Variants in EYS observed in about 807,000 individuals in gnomAD.
EYS encodes the protein EGF-like photoreceptor maintenance factor.
In EYS, 250 loss-of-function variants were observed where a neutral mutation model predicts 282.1. The ratio of observed to expected loss-of-function variants is 0.89; its 90% CI spans 0.80 to 0.98. The LOEUF is 0.98. Ranked by LOEUF, EYS falls within the 50% of genes least tolerant of loss-of-function variation. The pLI is 0.00. For missense variants in EYS, 4,016 were observed against 3,709.0 expected, an observed-to-expected ratio of 1.08 and a Z score of -2.15; for synonymous variants, 1,355 against 1,282.9, an observed-to-expected ratio of 1.06 and a Z score of -1.20.
At chr6:63,828,893 A>C (rs1186493382) in intron 36 of EYS, among the ~76,000 whole-genome samples, 2 of 152,234 alleles carry the variant, frequency 1.3e-5, no homozygotes, top group African/African-American at 4.8e-5. Context: ...AAACTAATAC[A>C]GAATGTAAAC....
chr6:64,235,260 C>A (rs1766560451), intron 30 of EYS, among the ~76,000 whole-genome samples: 3 of 140,542 alleles, frequency 2.1e-5, no homozygotes, highest in African/African-American at 8.0e-5. Flanking sequence ...CCACAACAGT[C>A]CCCAGAGTGT....
chr6:64,199,334 A>G (rs1274981855), intron 31 of EYS, among the ~76,000 whole-genome samples: 2 of 152,228 alleles, frequency 1.3e-5, no homozygotes, highest in African/African-American at 2.4e-5. Flanking sequence ...CAATGGGGAG[A>G]GGATTCCCTA....
chr6:63,806,213 A>G lies in EYS; in HGVS notation c.7388T>C (p.Phe2463Ser). ...NHSALQNNLI[F>S]FTGQKGHGLN... ...ACCATGGCCTTTCTGTCCAGTAAAA[A>G]ATATCAAGTTATTTTGCAGTGCTGA... Residue 2463 changes from phenylalanine to serine, a missense_variant, in exon 37 of 43, where the codon TTT (phenylalanine) becomes TCT (serine). Coordinates refer to ENST00000503581, the MANE Select transcript of EYS (RefSeq NM_001142800.2). 1 of 1,551,514 alleles carries G rather than the reference A, an allele frequency of 6.4e-7. No individual in the cohort carries two copies.
rs367736602 is a variant in EYS at position 64,443,167 on chromosome 6, T to C, written c.5645-3815A>G. Among the ~76,000 whole-genome samples, 483 of 152,316 alleles carry C rather than the reference T, an allele frequency of 3.2e-3. 3 individuals carry two copies. The highest frequency in any genetic ancestry group is 4.0e-3 in the Non-Finnish European group (269 of 68,024). On this transcript the variant is annotated intron_variant, in intron 26 of 42. Transcript: ENST00000503581. ...ATCAGTGTGACTTGGATGTAAGACA[T>C]GGAGTCAAAGGAGATCATTTTGGAG...
intron 35 of EYS, among the ~76,000 whole-genome samples, chr6:63,969,457 G>A (rs1466183742): frequency 1.3e-5 from 2 of 152,166 alleles, no homozygotes; most frequent in Non-Finnish European, 2.9e-5. Flanking sequence ...ATAGCCTAAT[G>A]GATTTCTGTA....
chr6:65,331,719 T>C (rs1394138508), intron 11 of EYS: 2 of 981,508 alleles, frequency 2.0e-6, no homozygotes, highest in Non-Finnish European at 2.4e-6. Flanking sequence ...TGAAAATCAT[T>C]GTTTCATTAA....
intron 26 of EYS, among the ~76,000 whole-genome samples, chr6:64,454,668 C>A (rs761836661): frequency 6.6e-6 from 1 of 152,058 alleles, no homozygotes; most frequent in Admixed American, 6.6e-5. Flanking sequence ...TGTGGGGACA[C>A]TTTTCATATG....
At chr6:64,909,853 A>C (rs532049970) in intron 16 of EYS, among the ~76,000 whole-genome samples, 1 of 152,270 alleles carries the variant, frequency 6.6e-6, no homozygotes, top group African/African-American at 2.4e-5. Flanking sequence ...AGTCTGACGT[A>C]AACCCAAAAG....
chr6:64,927,285 T>C (rs1349608981), intron 15 of EYS, among the ~76,000 whole-genome samples: 1 of 152,132 alleles, frequency 6.6e-6, no homozygotes, highest in Non-Finnish European at 1.5e-5. Context: ...AAGCTGATAG[T>C]TACTCGGGGC....
At chr6:65,282,847 A>T (rs1768262029) in intron 12 of EYS, among the ~76,000 whole-genome samples, 1 of 151,920 alleles carries the variant, frequency 6.6e-6, no homozygotes, top group Non-Finnish European at 1.5e-5. Context: ...TATACTGTTG[A>T]TTATTGGTCT....
chr6:64,835,932 C>T (rs181867595), intron 19 of EYS, among the ~76,000 whole-genome samples: 99 of 151,640 alleles, frequency 6.5e-4, no homozygotes, highest in African/African-American at 2.0e-3. Flanking sequence ...TAAAAATAAA[C>T]GATGTATAAA....
intron 26 of EYS, among the ~76,000 whole-genome samples, chr6:64,470,045 A>G (rs1443485724): frequency 6.6e-6 from 1 of 152,060 alleles, no homozygotes; most frequent in African/African-American, 2.4e-5. Context: ...ACGTGACCTT[A>G]CCTATCACTG....
At chr6:64,290,206 T>C (rs113929568) in intron 30 of EYS, among the ~76,000 whole-genome samples, 1,580 of 152,260 alleles carry the variant, frequency 0.01, 18 homozygotes, top group East Asian at 0.029. Flanking sequence ...CAAGGAAGTA[T>C]TTTTATCATT....
chr6:64,760,447 C>T (rs143968518), intron 22 of EYS, among the ~76,000 whole-genome samples: 12 of 152,160 alleles, frequency 7.9e-5, no homozygotes, highest in Non-Finnish European at 1.5e-4. Context: ...TCTGATGTAA[C>T]GCTGCCATAG....
intron 33 of EYS, among the ~76,000 whole-genome samples, chr6:64,012,939 A>G (rs890916045): frequency 4.7e-4 from 72 of 152,184 alleles, no homozygotes; most frequent in African/African-American, 1.6e-3. Context: ...AAAGCGCTCC[A>G]TGACCTCTAA....
chr6:64,663,607 A>C (rs1562120791), intron 22 of EYS, among the ~76,000 whole-genome samples: 1 of 152,166 alleles, frequency 6.6e-6, no homozygotes, highest in African/African-American at 2.4e-5. Context: ...TGAGCCTGCA[A>C]TTCTCTCATG....
At chr6:64,066,843 A>G (rs1466861454) in intron 32 of EYS, among the ~76,000 whole-genome samples, 1 of 152,174 alleles carries the variant, frequency 6.6e-6, no homozygotes, top group Non-Finnish European at 1.5e-5. Context: ...ATTAAATAAA[A>G]TAATAAATGA....
intron 30 of EYS, among the ~76,000 whole-genome samples, chr6:64,292,312 G>T (rs1768743470): frequency 6.6e-6 from 1 of 152,056 alleles, no homozygotes; most frequent in African/African-American, 2.4e-5. Context: ...TTACTTTTGG[G>T]AATAGCCTTT....
chr6:64,540,274 A>C (rs1342033539), intron 26 of EYS, among the ~76,000 whole-genome samples: 1 of 152,112 alleles, frequency 6.6e-6, no homozygotes, highest in African/African-American at 2.4e-5. Flanking sequence ...TCACCAAACT[A>C]AGGAAAAGAA....
Sources: allele counts gnomAD v4.1 joint callset (sites outside exome capture counted in the v4.1 genomes callset), GRCh38; gene constraint gnomAD v4.1.1; transcripts MANE v1.5; gene names NCBI Gene and HGNC (gene_info 2026-07-23, HGNC 2026-07-21).